CSMD1: variants seen among roughly 807,000 people sequenced by gnomAD.
CSMD1 encodes CUB and sushi domain-containing protein 1.
A neutral mutation model predicts 417.5 loss-of-function variants in CSMD1; 213 were observed. That is an observed-to-expected ratio of 0.51 (90% CI 0.46 to 0.57). The LOEUF is 0.57. Ranked by LOEUF, CSMD1 falls within the 20% of genes least tolerant of loss-of-function variation. The pLI is 0.00. For missense variants in CSMD1, 6,923 were observed against 4,529.7 expected (o/e 1.53, Z -15.17); for synonymous variants, 2,862 against 1,736.8 (o/e 1.65, Z -16.11).
intron 5 of CSMD1, among the ~76,000 whole-genome samples, chr8:3,764,322 A>C (rs6558819): frequency 0.69 from 104,521 of 152,076 alleles, 35,922 homozygotes; most frequent in South Asian, 0.76. Context: ...AACTCTCCTG[A>C]GTGTACTTGT....
At chr8:4,744,865 T>G (rs7830723) in intron 1 of CSMD1, among the ~76,000 whole-genome samples, 54,377 of 152,050 alleles carry the variant, frequency 0.36, 10,889 homozygotes, top group Admixed American at 0.49. Flanking sequence ...TCTCAGACAT[T>G]AAAGTTGAAC....
At chr8:4,369,977 G>C (rs190037749) in intron 3 of CSMD1, among the ~76,000 whole-genome samples, 1 of 152,060 alleles carries the variant, frequency 6.6e-6, no homozygotes, top group African/African-American at 2.4e-5. Context: ...CGTGAGAATT[G>C]TATCTATCAT....
At chr8:3,163,009 A>C (rs1341471693) in intron 37 of CSMD1, among the ~76,000 whole-genome samples, 5 of 152,214 alleles carry the variant, frequency 3.3e-5, no homozygotes, top group African/African-American at 1.2e-4. Context: ...AATAAACAAG[A>C]TATGCAGCTA....
chr8:3,434,438 A>C (rs1294194287), intron 12 of CSMD1, among the ~76,000 whole-genome samples: 1 of 152,194 alleles, frequency 6.6e-6, no homozygotes, highest in Non-Finnish European at 1.5e-5. Flanking sequence ...CTTATTCCAT[A>C]CAAGCCTATA....
chr8:3,345,278 A>G (rs935950069), intron 22 of CSMD1, among the ~76,000 whole-genome samples: 2 of 152,188 alleles, frequency 1.3e-5, no homozygotes, highest in African/African-American at 4.8e-5. Context: ...CAGTGGCTTC[A>G]TGGTTACAAC....
chr8:2,947,336 G>T (rs1172796177), intron 68 of CSMD1, among the ~76,000 whole-genome samples: 1 of 152,056 alleles, frequency 6.6e-6, no homozygotes, highest in Non-Finnish European at 1.5e-5. Flanking sequence ...AAATTAGGAG[G>T]TTATTTTTAT....
intron 10 of CSMD1, among the ~76,000 whole-genome samples, chr8:3,571,926 G>T (rs1436117131): frequency 6.6e-6 from 1 of 152,182 alleles, no homozygotes; most frequent in Admixed American, 6.5e-5. Context: ...ACAGGAAGAA[G>T]TGAAGTTACT....
chr8:3,370,352 T>G (rs1046426569), intron 18 of CSMD1, among the ~76,000 whole-genome samples: 1 of 152,180 alleles, frequency 6.6e-6, no homozygotes, highest in Admixed American at 6.5e-5. Flanking sequence ...CTGCCGTTCA[T>G]GCTCTGCAAA....
chr8:3,312,285 C>T (rs956669028), intron 23 of CSMD1, among the ~76,000 whole-genome samples: 4 of 152,248 alleles, frequency 2.6e-5, no homozygotes, highest in South Asian at 4.1e-4. Flanking sequence ...TTTATGGCAG[C>T]GTAGTTTTCT....
At chr8:4,024,723 G>A (rs1305442527) in intron 4 of CSMD1, among the ~76,000 whole-genome samples, 1 of 152,134 alleles carries the variant, frequency 6.6e-6, no homozygotes, top group Non-Finnish European at 1.5e-5. Flanking sequence ...CATTGGAGTT[G>A]CACATAGGAG....
intron 1 of CSMD1, among the ~76,000 whole-genome samples, chr8:4,896,368 T>C (rs905575695): frequency 3.3e-5 from 5 of 152,224 alleles, no homozygotes; most frequent in South Asian, 2.1e-4. Context: ...ACAGGGAGCA[T>C]TGCTTTTGCA....
intron 10 of CSMD1, among the ~76,000 whole-genome samples, chr8:3,498,481 C>A (rs542907451): frequency 5.9e-5 from 9 of 152,126 alleles, no homozygotes; most frequent in Non-Finnish European, 8.8e-5. Context: ...CTTTGGAGAG[C>A]ATCTTTGGCA....
At chr8:4,218,394 T>G (rs1175032051) in intron 3 of CSMD1, among the ~76,000 whole-genome samples, 1 of 152,204 alleles carries the variant, frequency 6.6e-6, no homozygotes, top group African/African-American at 2.4e-5. Flanking sequence ...CTTTTCTCTA[T>G]CTCAACTCGA....
intron 25 of CSMD1, among the ~76,000 whole-genome samples, chr8:3,296,503 A>G (rs1269455903): frequency 6.6e-6 from 1 of 152,122 alleles, no homozygotes; most frequent in African/African-American, 2.4e-5. Context: ...ATGATATACC[A>G]AGGCAGGAGT....
intron 3 of CSMD1, among the ~76,000 whole-genome samples, chr8:4,269,606 C>T (rs142416400): frequency 1.3e-5 from 2 of 152,094 alleles, no homozygotes; most frequent in Non-Finnish European, 2.9e-5. Context: ...TACAGTTTAA[C>T]CTCATTTTTT....
At chr8:4,131,446 A>G (rs1458146867) in intron 3 of CSMD1, among the ~76,000 whole-genome samples, 4 of 152,240 alleles carry the variant, frequency 2.6e-5, no homozygotes, top group Non-Finnish European at 4.4e-5. Flanking sequence ...GAGGTCAAAT[A>G]TACGATTAAA....
At chr8:4,383,035 G>C (rs1803206196) in intron 3 of CSMD1, among the ~76,000 whole-genome samples, 2 of 152,134 alleles carry the variant, frequency 1.3e-5, no homozygotes, top group East Asian at 3.9e-4. Context: ...GGAATATTCT[G>C]GTCTCTGTCA....
chr8:4,168,003 C>T (rs958907070), intron 3 of CSMD1, among the ~76,000 whole-genome samples: 1 of 151,960 alleles, frequency 6.6e-6, no homozygotes, highest in Non-Finnish European at 1.5e-5. Context: ...GTGGCAGACT[C>T]CTGTAATCCC....
chr8:4,294,424 C>G (rs1014963140), intron 3 of CSMD1, among the ~76,000 whole-genome samples: 1 of 152,128 alleles, frequency 6.6e-6, no homozygotes, highest in East Asian at 1.9e-4. Flanking sequence ...TAATGTTTAT[C>G]AGACACTTCA....
Sources: gnomAD v4.1 joint callset for allele counts (sites outside exome capture counted in the v4.1 genomes callset) on GRCh38, gnomAD v4.1.1 for gene constraint, MANE v1.5 for transcripts, NCBI Gene and HGNC (gene_info 2026-07-23, HGNC 2026-07-21) for gene names.